Variants in PGM5 observed in about 807,000 individuals in gnomAD.
PGM5 encodes the protein phosphoglucomutase-like protein 5.
In PGM5, 23 loss-of-function variants were observed where a neutral mutation model predicts 59.2. The ratio of observed to expected loss-of-function variants is 0.39; its 90% CI spans 0.28 to 0.55. The LOEUF is 0.55. PGM5 is among the 20% of genes least tolerant of loss of function. The probability of loss-of-function intolerance (pLI) is 0.66; values close to 1 mark genes in which losing one functional copy is unlikely to be tolerated. For missense variants in PGM5, 574 were observed against 748.3 expected (o/e 0.77, Z 2.72); for synonymous variants, 214 against 286.0 (o/e 0.75, Z 2.54).
At chr9:68,511,839 A>G (rs1824756426) in intron 10 of PGM5, among the ~76,000 whole-genome samples, 1 of 152,134 alleles carries the variant, frequency 6.6e-6, no homozygotes, top group African/African-American at 2.4e-5. Context: ...TTTGTTTTAT[A>G]ATGCAATTGA....
chr9:68,481,444 C>A (rs1241617723), intron 8 of PGM5, among the ~76,000 whole-genome samples: 1 of 152,196 alleles, frequency 6.6e-6, no homozygotes, highest in African/African-American at 2.4e-5. Flanking sequence ...TGTGTGTTTT[C>A]TTTTCCTGGC....
At chr9:68,374,676 T>A (rs1211429324) in intron 1 of PGM5, among the ~76,000 whole-genome samples, 1 of 151,584 alleles carries the variant, frequency 6.6e-6, no homozygotes, top group Non-Finnish European at 1.5e-5. Context: ...CTCTTTCCGC[T>A]CCTGCCACTC....
intron 10 of PGM5, among the ~76,000 whole-genome samples, chr9:68,511,977 C>T (rs1554689402): frequency 6.6e-6 from 1 of 152,166 alleles, no homozygotes; most frequent in African/African-American, 2.4e-5. Flanking sequence ...CATGACATGG[C>T]ATTTTAGATG....
At chr9:68,483,332 G>A (rs1264056700) in intron 8 of PGM5, among the ~76,000 whole-genome samples, 2 of 152,152 alleles carry the variant, frequency 1.3e-5, no homozygotes, top group Non-Finnish European at 2.9e-5. Context: ...GGTCAGAGAA[G>A]GTCACATTCT....
intron 6 of PGM5, among the ~76,000 whole-genome samples, chr9:68,444,361 T>G (rs73445673): frequency 6.6e-6 from 1 of 152,218 alleles, no homozygotes; most frequent in African/African-American, 2.4e-5. Flanking sequence ...GGTTATGATA[T>G]AAGGAAATGG....
chr9:68,386,708 A>G (rs1298322072), intron 3 of PGM5, among the ~76,000 whole-genome samples: 2 of 152,044 alleles, frequency 1.3e-5, no homozygotes, highest in South Asian at 2.1e-4. Flanking sequence ...TTGATTTACT[A>G]CTTCTTGGAA....
rs530658272 is a variant in PGM5 at position 68,466,606 on chromosome 9, T to G, written c.1159+1398T>G. On this transcript the variant is annotated intron_variant, in intron 7 of 10. Coordinates refer to ENST00000396396, the MANE Select transcript of PGM5 (RefSeq NM_021965.4). ...CCTAGAAATGGGTACAACCCTTTTT[T>G]GGGGCAATTAGTGTGGAAGGTTAAG... The G allele has an allele frequency of 3.5e-3, 541 of 153,520 alleles. 2 individuals are homozygous for G. Among genetic ancestry groups the G allele is most frequent in the Non-Finnish European group, 5.8e-3 (403 of 68,934 alleles). 9.5% of individuals were successfully genotyped at this position (153,520 alleles called of 1,614,324 possible). A position where few individuals can be genotyped will look rare whatever the true frequency, so the allele number is the denominator to read the frequency against.
At chr9:68,375,993 A>C (rs568070620) in intron 1 of PGM5, among the ~76,000 whole-genome samples, 2 of 152,370 alleles carry the variant, frequency 1.3e-5, no homozygotes, top group South Asian at 4.1e-4. Flanking sequence ...CTGGAACAGA[A>C]GAAGGAGGGC....
chr9:68,436,269 G>T (rs1367438757), intron 6 of PGM5, among the ~76,000 whole-genome samples: 5 of 152,152 alleles, frequency 3.3e-5, no homozygotes, highest in Non-Finnish European at 7.3e-5. Context: ...GAATTACCAA[G>T]CCTATCATGT....
intron 6 of PGM5, among the ~76,000 whole-genome samples, chr9:68,440,608 G>T (rs1347387855): frequency 1.3e-5 from 2 of 152,048 alleles, no homozygotes; most frequent in African/African-American, 4.8e-5. Flanking sequence ...CTAAATTAAA[G>T]ATATTTTAAA....
rs62551319 is a variant in PGM5, at chr9:68,370,717, A to G, written c.262-7482A>G. On this transcript the variant is annotated intron_variant, in intron 1 of 10. Transcript: ENST00000396396. ...CATATTGATTCCCTTGGCACCTGGT[A>G]TGCTCATTTATGGATGAAAAAGCCC... Among the ~76,000 whole-genome samples, 975 of 152,350 alleles carry G rather than the reference A, an allele frequency of 6.4e-3. 4 individuals are homozygous for G. The highest frequency in any genetic ancestry group is 9.0e-3 in the Admixed American group (138 of 15,306).
chr9:68,508,904 G>C (rs1445649410), intron 10 of PGM5, among the ~76,000 whole-genome samples: 1 of 152,218 alleles, frequency 6.6e-6, no homozygotes, highest in Non-Finnish European at 1.5e-5. Context: ...TAAATAATTT[G>C]CTTTGCTTAT....
At chr9:68,514,157 T>C (rs1385022774) in intron 10 of PGM5, among the ~76,000 whole-genome samples, 1 of 152,220 alleles carries the variant, frequency 6.6e-6, no homozygotes, top group Admixed American at 6.5e-5. Flanking sequence ...GTGATTCATG[T>C]GCACATTAAA....
intron 7 of PGM5, among the ~76,000 whole-genome samples, chr9:68,471,783 G>A (rs1824023049): frequency 6.6e-6 from 1 of 152,056 alleles, no homozygotes; most frequent in Admixed American, 6.5e-5. Flanking sequence ...GCCGGATGTG[G>A]TGGCGGGTGC....
At chr9:68,383,452 C>T (rs1480236939) in intron 2 of PGM5, among the ~76,000 whole-genome samples, 1 of 151,956 alleles carries the variant, frequency 6.6e-6, no homozygotes. Flanking sequence ...ACAATTGCAG[C>T]ACACCTCAAC....
At chr9:68,510,874 G>A (rs573636045) in intron 10 of PGM5, among the ~76,000 whole-genome samples, 1 of 152,346 alleles carries the variant, frequency 6.6e-6, no homozygotes, top group African/African-American at 2.4e-5. Context: ...CCAGGTCATA[G>A]GTGGATTCAA....
At chr9:68,461,933 C>T (rs187541296) in intron 6 of PGM5, among the ~76,000 whole-genome samples, 1 of 151,990 alleles carries the variant, frequency 6.6e-6, no homozygotes, top group African/African-American at 2.4e-5. Flanking sequence ...CAGTATACAA[C>T]AACAAAATTT....
rs552417887 is a variant in PGM5 at position 68,357,367 on chromosome 9, G to T, written c.240G>T (p.Val80=). The T allele has an allele frequency of 2.9e-5, 45 of 1,560,104 alleles. No individual in the cohort carries two copies. Among genetic ancestry groups the T allele is most frequent in the South Asian group, 1.9e-4 (16 of 84,952 alleles). The change falls in exon 1 of 11, where the codon GTG becomes GTT. Residue 80 remains valine (V), a synonymous_variant. Coordinates refer to ENST00000396396, the MANE Select transcript of PGM5 (RefSeq NM_021965.4). The part of the protein sequence containing the change: ...YFSRTAIEIV[V]QMAAANGIGR... Reference sequence around the variant, plus strand: ...GCAGGACGGCCATCGAGATCGTGGTGCAGATGGCCGCGGCCAACGGGGTGA... The same window carrying T: ...GCAGGACGGCCATCGAGATCGTGGTTCAGATGGCCGCGGCCAACGGGGTGA...
chr9:68,415,881 C>G (rs1160541551), intron 6 of PGM5, among the ~76,000 whole-genome samples: 1 of 149,354 alleles, frequency 6.7e-6, no homozygotes, highest in Non-Finnish European at 1.5e-5. Context: ...TACATAGGTA[C>G]ATTTTGTTGA....
Sources: allele counts gnomAD v4.1 joint callset (sites outside exome capture counted in the v4.1 genomes callset), GRCh38; gene constraint gnomAD v4.1.1; transcripts MANE v1.5; gene names NCBI Gene and HGNC (gene_info 2026-07-23, HGNC 2026-07-21).